Variants in USP24 observed in about 807,000 individuals in gnomAD.
The protein encoded by USP24 is ubiquitin specific peptidase 24.
USP24 carries 97 observed loss-of-function variants against 361.6 expected under a neutral mutation model. The ratio of observed to expected loss-of-function variants is 0.27; its 90% CI spans 0.23 to 0.32. The LOEUF (loss-of-function observed/expected upper bound fraction) is 0.32. Ranked by LOEUF, USP24 falls within the 10% of genes least tolerant of loss-of-function variation. USP24 has a pLI of 1.00. For synonymous variants in USP24, 1,098 were observed against 1,124.6 expected (o/e 0.98, Z 0.47); for missense variants, 2,353 against 3,165.6 (o/e 0.74, Z 6.16).
At chr1:55,208,163 G>A (rs1435992056) in intron 1 of USP24, among the ~76,000 whole-genome samples, 1 of 152,000 alleles carries the variant, frequency 6.6e-6, no homozygotes, top group Non-Finnish European at 1.5e-5. Context: ...CTAAAACAGT[G>A]GATTCTACTT....
At chr1:55,171,496 C>T in intron 5 of USP24, 60 bp downstream of exon 5, 3 of 1,529,574 alleles carry the variant, frequency 2.0e-6, no homozygotes, top group Non-Finnish European at 2.6e-6. Flanking sequence ...TTTTATAGCA[C>T]AGAAAATCTT....
At chr1:55,131,731 T>C (rs974762560) in intron 31 of USP24, among the ~76,000 whole-genome samples, 1 of 152,204 alleles carries the variant, frequency 6.6e-6, no homozygotes, top group Non-Finnish European at 1.5e-5. Context: ...AAAATGCAGG[T>C]ACCCTCTTAA....
chr1:55,163,886 G>C (rs1648554063), intron 7 of USP24, among the ~76,000 whole-genome samples: 2 of 151,910 alleles, frequency 1.3e-5, no homozygotes, highest in East Asian at 1.9e-4. Context: ...TTTGAGTATA[G>C]ACAGATTCTG....
intron 1 of USP24, among the ~76,000 whole-genome samples, chr1:55,203,850 C>A (rs1455418311): frequency 6.6e-6 from 1 of 152,182 alleles, no homozygotes; most frequent in Non-Finnish European, 1.5e-5. Flanking sequence ...CATAATTCAA[C>A]ACAGAGAGTC....
Position 55,137,787 on chromosome 1 carries a change from A to C in USP24, c.3027+19T>G, listed in dbSNP as rs2100672454. ...ATTATATCATTTATTATTCATCAAAACTGCTTATTTAAACCTACCAGGCTA... is the reference window on the plus strand; with the variant it reads ...ATTATATCATTTATTATTCATCAAACCTGCTTATTTAAACCTACCAGGCTA... On this transcript the variant is annotated intron_variant, in intron 27 of 67. Transcript: ENST00000294383. 6.4e-7 allele frequency: 1 copy of C among 1,558,936 alleles called. No individual in the cohort carries two copies. The highest frequency in any genetic ancestry group is 1.8e-4 in the Middle Eastern group (1 of 5,674).
Position 55,158,880 on chromosome 1 carries a change from CTTT to C in USP24, c.1222_1224del (p.Lys408del). The C allele has an allele frequency of 6.6e-7, 1 of 1,505,564 alleles. No homozygotes were observed. The highest frequency in any genetic ancestry group is 8.9e-7 in the Non-Finnish European group (1 of 1,118,548). 93.3% of individuals were successfully genotyped at this position (1,505,564 alleles called of 1,614,324 possible). On this transcript the variant is annotated inframe_deletion, in exon 10 of 68. Transcript: ENST00000294383. Reference sequence around the variant, plus strand: ...GTAGAAACAAATGAAAAACTTACTTCTTTGAGAGAATTCATCTTAGCACTGAAA... The same window carrying C: ...GTAGAAACAAATGAAAAACTTACTTCGAGAGAATTCATCTTAGCACTGAAA...
At chr1:55,069,953 T>C (rs1294176621) in intron 67 of USP24, among the ~76,000 whole-genome samples, 2 of 149,430 alleles carry the variant, frequency 1.3e-5, no homozygotes, top group African/African-American at 4.9e-5. Flanking sequence ...CAGGACTGTG[T>C]TGAGGATTCT....
chr1:55,143,151 GCATATCAAGAT>G, intron 21 of USP24, 32 bp from the exon 22 acceptor site: 1 of 1,418,948 alleles, frequency 7.0e-7, no homozygotes, highest in Non-Finnish European at 9.3e-7. Context: ...AAATTATAAA[GCATATCAAGAT>G]CACAAAGTTA....
rs1045656281 is a variant in USP24 at position 55,165,789 on chromosome 1, C to T, written c.927+96G>A. On this transcript the variant is annotated intron_variant, in intron 7 of 67. Coordinates refer to ENST00000294383, the MANE Select transcript of USP24 (RefSeq NM_015306.3). ...CTCTAAAGATGAACCTTTAATTTAA[C>T]ATTTAACTTGGCATGTCCAGACCAT... is the stretch of plus-strand genomic sequence containing the variant. 6.1e-6 allele frequency: 6 copies of T among 989,324 alleles called. No individual in the cohort carries two copies. In the Admixed American group the frequency reaches 1.8e-4, roughly 29 times the overall value. 61.3% of individuals were successfully genotyped at this position (989,324 alleles called of 1,614,324 possible). A position where few individuals can be genotyped will look rare whatever the true frequency, so the allele number is the denominator to read the frequency against.
rs576101273 is a variant in USP24, at chr1:55,214,419, A to T, written c.324+371T>A. ...CCATTTCCGACCCCCTACTGCACGC[A>T]TCCTTCCCACTATATGCTCAAGTGT... On this transcript the variant is annotated intron_variant, in intron 1 of 67. Transcript: ENST00000294383. Among the ~76,000 whole-genome samples, 70 of 151,390 alleles carry T rather than the reference A, an allele frequency of 4.6e-4. 1 individual carries two copies. Among genetic ancestry groups the T allele is most frequent in the African/African-American group, 1.6e-3 (65 of 41,286 alleles).
At chr1:55,156,083 C>A (rs954084751) in intron 12 of USP24, among the ~76,000 whole-genome samples, 6 of 152,056 alleles carry the variant, frequency 3.9e-5, no homozygotes, top group African/African-American at 1.2e-4. Flanking sequence ...TAAGTTGATA[C>A]AGTCAAAGAG....
At chr1:55,193,491 C>T (rs78802893) in intron 1 of USP24, among the ~76,000 whole-genome samples, 4,073 of 152,218 alleles carry the variant, frequency 0.027, 136 homozygotes, top group African/African-American at 0.073. Context: ...ACATACAGAT[C>T]ATCGATTCCA....
chr1:55,071,027 A>G (rs1644909942), intron 67 of USP24: 4 of 599,422 alleles, frequency 6.7e-6, no homozygotes, highest in Non-Finnish European at 8.4e-6. Context: ...CCTTGGGCTA[A>G]GTCACATCAC....
rs559889408 is a variant in USP24 at position 55,131,833 on chromosome 1, TA to T, written c.3537+711del. On this transcript the variant is annotated intron_variant, in intron 31 of 67. Transcript: ENST00000294383. ...GATTCTATTCTTTAGTGCCTGGATATAACTTCCTAAGACAAAGCAAAATCAT... is the reference window on the plus strand; with the variant it reads ...GATTCTATTCTTTAGTGCCTGGATATACTTCCTAAGACAAAGCAAAATCAT... 3.3e-5 allele frequency among the ~76,000 whole-genome samples: 5 copies of T among 152,342 alleles called. No homozygotes were observed. In the South Asian group the frequency reaches 8.3e-4, roughly 25 times the overall value.
At chr1:55,102,163 G>C (rs1042027007) in intron 42 of USP24, among the ~76,000 whole-genome samples, 2 of 152,104 alleles carry the variant, frequency 1.3e-5, no homozygotes, top group African/African-American at 4.8e-5. Flanking sequence ...AAAGGAATGT[G>C]AGTCTACGAA....
chr1:55,077,474 A>C (rs1035955507), intron 61 of USP24, among the ~76,000 whole-genome samples, 174 bp from the exon 62 acceptor site: 1 of 152,130 alleles, frequency 6.6e-6, no homozygotes, highest in African/African-American at 2.4e-5. Context: ...GAAATAAACA[A>C]CCTCTAAGGT....
intron 1 of USP24, among the ~76,000 whole-genome samples, chr1:55,185,609 G>C (rs1465534495): frequency 6.6e-6 from 1 of 151,988 alleles, no homozygotes; most frequent in Admixed American, 6.6e-5. Flanking sequence ...CATCCAGGCT[G>C]GAGTGCAAAG....
intron 38 of USP24, 55 bp from the exon 39 acceptor site, chr1:55,110,301 G>C (rs1645912294): frequency 7.1e-7 from 1 of 1,404,752 alleles, no homozygotes; most frequent in Admixed American, 2.8e-5. Flanking sequence ...AAAATAAAAA[G>C]CATTTTCCTT....
intron 8 of USP24, 87 bp downstream of exon 8, chr1:55,162,112 A>C: frequency 8.1e-7 from 1 of 1,228,848 alleles, no homozygotes; most frequent in Non-Finnish European, 1.1e-6. Flanking sequence ...TGGATTAAAG[A>C]CCACTCTGAA....
Sources: gnomAD v4.1 joint callset for allele counts (sites outside exome capture counted in the v4.1 genomes callset) on GRCh38, gnomAD v4.1.1 for gene constraint, MANE v1.5 for transcripts, NCBI Gene and HGNC (gene_info 2026-07-23, HGNC 2026-07-21) for gene names.